The following KIF16B variants were observed in gnomAD, a reference collection of about 807,000 sequenced individuals.
KIF16B encodes kinesin-like protein KIF16B.
Under a neutral mutation model 156.3 loss-of-function variants are expected in KIF16B, and 98 were observed. That is an observed-to-expected ratio of 0.63 (90% CI 0.53 to 0.74). The LOEUF is 0.74. Among genes scored for constraint, KIF16B ranks in the 30% least tolerant of loss-of-function variants. KIF16B has a pLI of 0.00. For missense variants in KIF16B, 1,421 were observed against 1,606.5 expected, an observed-to-expected ratio of 0.88 and a Z score of 1.97; for synonymous variants, 564 against 583.7, an observed-to-expected ratio of 0.97 and a Z score of 0.49.
intron 1 of KIF16B, among the ~76,000 whole-genome samples, chr20:16,531,408 G>A (rs6080288): frequency 0.15 from 22,629 of 152,198 alleles, 2,121 homozygotes; most frequent in Non-Finnish European, 0.21. Flanking sequence ...ATATCATTTC[G>A]TCACCCCTGG....
At chr20:16,553,879 C>T (rs1382832968) in intron 1 of KIF16B, among the ~76,000 whole-genome samples, 1 of 152,194 alleles carries the variant, frequency 6.6e-6, no homozygotes, top group Non-Finnish European at 1.5e-5. Context: ...AGGAAGGAGT[C>T]CTGCACTGTC....
intron 22 of KIF16B, among the ~76,000 whole-genome samples, chr20:16,366,364 G>A (rs778713815): frequency 6.6e-6 from 1 of 152,144 alleles, no homozygotes; most frequent in Admixed American, 6.5e-5. Context: ...GCAGAAAGAA[G>A]CCACGAGAGA....
At chr20:16,524,388 A>G (rs1321873704) in intron 3 of KIF16B, among the ~76,000 whole-genome samples, 2 of 152,366 alleles carry the variant, frequency 1.3e-5, no homozygotes, top group East Asian at 3.9e-4. Flanking sequence ...ACTTCTCAAA[A>G]GAAGACATTT....
chr20:16,277,327 A>G (rs968605334), intron 25 of KIF16B, among the ~76,000 whole-genome samples: 1 of 151,990 alleles, frequency 6.6e-6, no homozygotes, highest in Non-Finnish European at 1.5e-5. Flanking sequence ...AATGAAATCT[A>G]CTTCCCAATA....
rs184648849 is a variant in KIF16B at position 16,469,035 on chromosome 20, C to T, written c.1302+25256G>A. 2.0e-5 allele frequency among the ~76,000 whole-genome samples: 3 copies of T among 152,064 alleles called. No individual in the cohort carries two copies. In the East Asian group the frequency reaches 5.8e-4, roughly 29 times the overall value. On this transcript the variant is annotated intron_variant, in intron 12 of 25. Coordinates refer to ENST00000354981, the MANE Select transcript of KIF16B (RefSeq NM_024704.5). ...TGGGAGGCTGAGGTGTGAGAATCGC[C>T]TGAGGCTAGAAACTTGAGAGCAGCC...
At chr20:16,278,901 C>G (rs2063104095) in intron 25 of KIF16B, among the ~76,000 whole-genome samples, 1 of 152,166 alleles carries the variant, frequency 6.6e-6, no homozygotes, top group Admixed American at 6.5e-5. Context: ...CTGCTTGGGT[C>G]AGATGCACTG....
intron 12 of KIF16B, among the ~76,000 whole-genome samples, chr20:16,459,908 T>C (rs1174194241): frequency 1.3e-5 from 2 of 152,228 alleles, no homozygotes; most frequent in Non-Finnish European, 2.9e-5. Flanking sequence ...ATCTAGTTTC[T>C]AGATACATGA....
In KIF16B at chr20:16,450,540, T is replaced by C. The variant is rs1184755164; in HGVS notation, c.1303-20558A>G. Among the ~76,000 whole-genome samples the C allele has an allele frequency of 5.9e-5, 9 of 152,316 alleles. No individual in the cohort carries two copies. In the East Asian group the frequency reaches 1.7e-3, roughly 29 times the overall value. On this transcript the variant is annotated intron_variant, in intron 12 of 25. Transcript: ENST00000354981. The stretch of plus-strand genomic sequence containing the variant: ...ACAGACATGCACACACCTCCCCACC[T>C]GCCCCACAGGCTGTTCCTCCGCTCC...
intron 24 of KIF16B, among the ~76,000 whole-genome samples, chr20:16,312,788 T>C (rs564787117): frequency 6.7e-6 from 1 of 150,124 alleles, no homozygotes; most frequent in South Asian, 2.1e-4. Context: ...TTTTTTTTTT[T>C]ACTAGAATCC....
In KIF16B at chr20:16,431,690, CA is replaced by C. The variant is rs200555747; in HGVS notation, c.1303-1709del. 7.2e-5 allele frequency among the ~76,000 whole-genome samples: 11 copies of C among 151,958 alleles called. 1 individual carries two copies. The East Asian group carries it at 2.1e-3, about 30-fold the overall frequency. On this transcript the variant is annotated intron_variant, in intron 12 of 25. Transcript: ENST00000354981. The stretch of plus-strand genomic sequence containing the variant: ...GCAACACATCTGAGGTTCTGACAAC[CA>C]AAAATGTCTCCAGACATTTGAGAAA...
At chr20:16,539,926 G>A (rs551165804) in intron 1 of KIF16B, among the ~76,000 whole-genome samples, 1 of 152,312 alleles carries the variant, frequency 6.6e-6, no homozygotes, top group South Asian at 2.1e-4. Context: ...AGATTCTAAA[G>A]AGTGACTTAT....
chr20:16,274,085 A>C (rs948481226), intron 25 of KIF16B, among the ~76,000 whole-genome samples: 1 of 151,972 alleles, frequency 6.6e-6, no homozygotes, highest in African/African-American at 2.4e-5. Flanking sequence ...TAAAAAAAAA[A>C]AACAAAAAAA....
At chr20:16,372,936 G>C (rs1231814444) in intron 20 of KIF16B, among the ~76,000 whole-genome samples, 1 of 152,210 alleles carries the variant, frequency 6.6e-6, no homozygotes, top group African/African-American at 2.4e-5. Flanking sequence ...GACCTCAGGT[G>C]ATCTGCCTGG....
chr20:16,570,401 A>G (rs1340786205), intron 1 of KIF16B, among the ~76,000 whole-genome samples: 1 of 152,176 alleles, frequency 6.6e-6, no homozygotes, highest in Non-Finnish European at 1.5e-5. Flanking sequence ...TCCCAATATG[A>G]AAGTTTCAGA....
chr20:16,427,744 G>T (rs2066393827), intron 14 of KIF16B, among the ~76,000 whole-genome samples: 1 of 152,108 alleles, frequency 6.6e-6, no homozygotes. Flanking sequence ...AAAAGCCCAA[G>T]AGGCCTTCAG....
Position 16,542,632 on chromosome 20 carries a change from C to T in KIF16B, c.48-14192G>A, listed in dbSNP as rs980859323. Reference sequence around the variant, plus strand: ...GATAAAAAAACAGCAGGTGTAAAGGCCCTGAGGCAAGAACCAGCCAGAGAC... The same window carrying T: ...GATAAAAAAACAGCAGGTGTAAAGGTCCTGAGGCAAGAACCAGCCAGAGAC... On this transcript the variant is annotated intron_variant, in intron 1 of 25. Transcript: ENST00000354981. Among the ~76,000 whole-genome samples, 80 of 152,164 alleles carry T rather than the reference C, an allele frequency of 5.3e-4. 1 individual carries two copies. Among genetic ancestry groups the T allele is most frequent in the African/African-American group, 1.9e-3 (79 of 41,520 alleles).
intron 12 of KIF16B, among the ~76,000 whole-genome samples, chr20:16,442,034 G>C (rs1275023289): frequency 6.6e-6 from 1 of 152,024 alleles, no homozygotes; most frequent in African/African-American, 2.4e-5. Flanking sequence ...TACATCACTG[G>C]GTAATTTCAT....
intron 23 of KIF16B, among the ~76,000 whole-genome samples, chr20:16,347,288 T>C (rs1049293312): frequency 6.6e-6 from 1 of 152,188 alleles, no homozygotes; most frequent in Admixed American, 6.5e-5. Context: ...TTAAAACAAA[T>C]TTTATTCTAG....
At chr20:16,312,179 C>A (rs1434878164) in intron 25 of KIF16B, among the ~76,000 whole-genome samples, 156 bp downstream of exon 25, 1 of 152,220 alleles carries the variant, frequency 6.6e-6, no homozygotes, top group East Asian at 1.9e-4. Context: ...AAGCTGATAT[C>A]ATATCTTCAT....
Sources: allele counts gnomAD v4.1 joint callset (sites outside exome capture counted in the v4.1 genomes callset), GRCh38; gene constraint gnomAD v4.1.1; transcripts MANE v1.5; gene names NCBI Gene and HGNC (gene_info 2026-07-23, HGNC 2026-07-21).